Variants in LARGE1 observed in about 807,000 individuals in gnomAD.
LARGE1 encodes LARGE xylosyl- and glucuronyltransferase 1, also known as xylosyl- and glucuronyltransferase LARGE1.
Under a neutral mutation model 87.6 loss-of-function variants are expected in LARGE1, and 43 were observed. The observed-to-expected ratio is 0.49, with a 90% CI of 0.38 to 0.63. The LOEUF is 0.63. Ranked by LOEUF, LARGE1 falls within the 30% of genes least tolerant of loss-of-function variation. The probability of loss-of-function intolerance (pLI) is 0.00; values close to 1 mark genes in which losing one functional copy is unlikely to be tolerated. For synonymous variants in LARGE1, 434 were observed against 394.6 expected (o/e 1.10, Z -1.18); for missense variants, 802 against 1,000.2 (o/e 0.80, Z 2.67).
At chr22:33,704,298 G>A (rs1051024665) in intron 2 of LARGE1, among the ~76,000 whole-genome samples, 1 of 152,188 alleles carries the variant, frequency 6.6e-6, no homozygotes, top group Non-Finnish European at 1.5e-5. Flanking sequence ...GTACAAGCAC[G>A]GGTGTGCAGA....
chr22:33,862,210 C>G (rs193115939), intron 1 of LARGE1, among the ~76,000 whole-genome samples: 1 of 152,066 alleles, frequency 6.6e-6, no homozygotes, highest in African/African-American at 2.4e-5. Flanking sequence ...CGAGAGCTCA[C>G]GGCAAGTGGT....
At chr22:33,764,214 C>G (rs2084827352) in intron 1 of LARGE1, among the ~76,000 whole-genome samples, 1 of 152,028 alleles carries the variant, frequency 6.6e-6, no homozygotes. Context: ...AAAACAGATT[C>G]CAACAAACAA....
chr22:33,611,651 G>C (rs2149012396), intron 4 of LARGE1, among the ~76,000 whole-genome samples: 1 of 152,336 alleles, frequency 6.6e-6, no homozygotes, highest in Middle Eastern at 3.4e-3. Flanking sequence ...AATGAGTTAA[G>C]ACTTTGGGAG....
intron 1 of LARGE1, among the ~76,000 whole-genome samples, chr22:33,787,086 C>G (rs559591909): frequency 7.9e-5 from 12 of 152,074 alleles, no homozygotes; most frequent in African/African-American, 2.9e-4. Context: ...TAGGTCTTCC[C>G]TCTCAGAATG....
intron 1 of LARGE1, among the ~76,000 whole-genome samples, chr22:33,775,326 A>T (rs2085198891): frequency 6.6e-6 from 1 of 152,202 alleles, no homozygotes; most frequent in African/African-American, 2.4e-5. Flanking sequence ...TTCCAGCTTC[A>T]TACCCTGGCA....
intron 11 of LARGE1, among the ~76,000 whole-genome samples, chr22:33,193,027 CATTTT>C (rs1923868172): frequency 6.6e-6 from 1 of 151,806 alleles, no homozygotes; most frequent in Non-Finnish European, 1.5e-5. Context: ...TCCTACTTTT[CATTTT>C]ATTTGTTTTT....
intron 6 of LARGE1, among the ~76,000 whole-genome samples, chr22:33,521,658 G>T (rs1204380140): frequency 6.6e-6 from 1 of 152,196 alleles, no homozygotes; most frequent in Non-Finnish European, 1.5e-5. Flanking sequence ...ACCGATGTAG[G>T]CAGGGGAAAA....
At chr22:33,167,717 TTAG>T (rs1240972056) in intron 11 of LARGE1, among the ~76,000 whole-genome samples, 2 of 152,204 alleles carry the variant, frequency 1.3e-5, no homozygotes, top group African/African-American at 4.8e-5. Flanking sequence ...GTGTTTTTGA[TTAG>T]TTAATTGTCA....
intron 10 of LARGE1, among the ~76,000 whole-genome samples, chr22:33,316,597 C>A (rs764176249): frequency 6.6e-6 from 1 of 151,864 alleles, no homozygotes; most frequent in Non-Finnish European, 1.5e-5. Context: ...AAAAATTAGC[C>A]GGACATGGAG....
chr22:33,137,897 G>A, the LARGE1 span, among the ~76,000 whole-genome samples: 9 of 152,314 alleles, frequency 5.9e-5, no homozygotes, highest in South Asian at 2.1e-4. Context: ...CTGTAGGGGT[G>A]GGGTCCTCAT....
chr22:33,317,540 GT>G (rs981829738), intron 10 of LARGE1, among the ~76,000 whole-genome samples: 2 of 152,066 alleles, frequency 1.3e-5, no homozygotes, highest in Non-Finnish European at 2.9e-5. Flanking sequence ...GCTTGTAGAA[GT>G]TGTTTAACTA....
intron 11 of LARGE1, among the ~76,000 whole-genome samples, chr22:33,230,658 G>A (rs1925962881): frequency 6.6e-6 from 1 of 151,796 alleles, no homozygotes; most frequent in Non-Finnish European, 1.5e-5. Context: ...TCATTTTATG[G>A]GTGGGTTATT....
chr22:33,761,270 A>C, intron 2 of LARGE1, 101 bp downstream of exon 2: 1 of 938,146 alleles, frequency 1.1e-6, no homozygotes, highest in Non-Finnish European at 1.8e-6. Flanking sequence ...CTGGAAATAC[A>C]TATTCCTATT....
intron 1 of LARGE1, among the ~76,000 whole-genome samples, chr22:33,892,452 C>A (rs2146840294): frequency 6.6e-6 from 1 of 152,334 alleles, no homozygotes; most frequent in Middle Eastern, 3.4e-3. Context: ...CCACCTCATA[C>A]TTCAGGCCAA....
rs143132106 is a variant in LARGE1 at position 33,173,819 on chromosome 22, A to C, written c.1731-6987T>G. Among the ~76,000 whole-genome samples, 1,219 of 152,316 alleles carry C rather than the reference A, an allele frequency of 8.0e-3. 7 individuals carry two copies. Among genetic ancestry groups the C allele is most frequent in the Middle Eastern group, 0.02 (6 of 294 alleles). On this transcript the variant is annotated intron_variant, in intron 11 of 11. Coordinates refer to the LARGE1 transcript ENST00000608642. ...TCCTAAATATATATGCACCCAATACAAGAGCACCCAGATTCATAAAGCAAG... is the reference window on the plus strand; with the variant it reads ...TCCTAAATATATATGCACCCAATACCAGAGCACCCAGATTCATAAAGCAAG...
At chr22:33,496,641 G>A (rs567892780) in intron 6 of LARGE1, among the ~76,000 whole-genome samples, 5 of 152,210 alleles carry the variant, frequency 3.3e-5, no homozygotes, top group East Asian at 1.9e-4. Flanking sequence ...AATGGACCAC[G>A]ACAGGACTAA....
chr22:33,827,881 G>A (rs924757192), intron 1 of LARGE1, among the ~76,000 whole-genome samples: 2 of 152,196 alleles, frequency 1.3e-5, no homozygotes, highest in Non-Finnish European at 1.5e-5. Context: ...GGGTGGGATT[G>A]GATAATTTGG....
intron 1 of LARGE1, among the ~76,000 whole-genome samples, chr22:33,879,246 G>A (rs376121106): frequency 3.9e-5 from 6 of 152,270 alleles, no homozygotes; most frequent in East Asian, 3.9e-4. Flanking sequence ...GATTACAGGC[G>A]TGAGCCACCA....
At chr22:33,605,340 C>G (rs1306048853) in intron 4 of LARGE1, among the ~76,000 whole-genome samples, 3 of 152,110 alleles carry the variant, frequency 2.0e-5, no homozygotes, top group African/African-American at 7.2e-5. Flanking sequence ...GTTGCTTTTA[C>G]TGAGGCAGCA....
Sources: gnomAD v4.1 joint callset for allele counts (sites outside exome capture counted in the v4.1 genomes callset) on GRCh38, gnomAD v4.1.1 for gene constraint, MANE v1.5 for transcripts, NCBI Gene and HGNC (gene_info 2026-07-23, HGNC 2026-07-21) for gene names.